Variants in PTPRF observed in about 807,000 individuals in gnomAD.
PTPRF encodes protein tyrosine phosphatase receptor type F, also known as receptor-type tyrosine-protein phosphatase F.
PTPRF carries 59 observed loss-of-function variants against 201.8 expected under a neutral mutation model. That is an observed-to-expected ratio of 0.29 (90% confidence interval 0.24 to 0.36). PTPRF has a LOEUF of 0.36. Among genes scored for constraint, PTPRF ranks in the 10% least tolerant of loss-of-function variants. The pLI is 1.00. For missense variants in PTPRF, 2,132 were observed against 2,690.5 expected, an observed-to-expected ratio of 0.79 and a Z score of 4.59; for synonymous variants, 1,088 against 1,089.7, an observed-to-expected ratio of 1.00 and a Z score of 0.03.
Position 43,569,603 on chromosome 1 carries a change from C to T in PTPRF, c.393C>T (p.Pro131=), listed in dbSNP as rs999105492. 3.7e-6 allele frequency: 6 copies of T among 1,606,970 alleles called. No homozygotes were observed. Among genetic ancestry groups the T allele is most frequent in the Non-Finnish European group, 5.1e-6 (6 of 1,175,388 alleles). ...KLSVLEEEQL[P]PGFPSIDMGP... ...GTTTGTCTGCAGAGGAACAGCTGCC[C>T]CCTGGGTTCCCTTCCATCGACATGG... The change falls in exon 6 of 34, where the codon CCC becomes CCT. Residue 131 remains proline (P), a synonymous_variant. Coordinates refer to ENST00000359947, the MANE Select transcript of PTPRF (RefSeq NM_002840.5).
In PTPRF at chr1:43,617,761, T is replaced by C. The variant is rs1658224975; in HGVS notation, c.4221T>C (p.Asn1407=). The C allele has an allele frequency of 6.2e-7, 1 of 1,613,978 alleles. No homozygotes were observed. Among genetic ancestry groups the C allele is most frequent in the Non-Finnish European group, 8.5e-7 (1 of 1,180,000 alleles). The part of the protein sequence containing the change: ...IDGVPGSDYI[N]ANYIDGYRKQ... ...GCGTCCCCGGGAGTGACTACATCAATGCCAACTACATCGATGGCTACCGCA... is the reference window on the plus strand; with the variant it reads ...GCGTCCCCGGGAGTGACTACATCAACGCCAACTACATCGATGGCTACCGCA... Residue 1407 remains asparagine, a synonymous_variant, in exon 25 of 34, where the codon AAT becomes AAC. Coordinates refer to ENST00000359947, the MANE Select transcript of PTPRF (RefSeq NM_002840.5).
intron 21 of PTPRF, among the ~76,000 whole-genome samples, chr1:43,608,390 G>T (rs1655651963): frequency 6.6e-6 from 1 of 152,122 alleles, no homozygotes. Context: ...CTAATCCTTG[G>T]GCCAGCAGGG....
rs1644393449 is a variant in PTPRF, at chr1:43,542,037, G to A, written c.-45-2994G>A. ...TGCTCAACCTCGCAACCGCAGTCAG[G>A]CTAGCAGCAGCCCTGCCCCTTGTTC... On this transcript the variant is annotated intron_variant, in intron 2 of 33. Coordinates refer to ENST00000359947, the MANE Select transcript of PTPRF (RefSeq NM_002840.5). This position sits in a 1 kb window ranked among gnomAD's most constrained non-coding sequence, Gnocchi z 5.2. Among the ~76,000 whole-genome samples, 1 of 152,184 alleles carries A rather than the reference G, an allele frequency of 6.6e-6. No individual in the cohort carries two copies. The highest frequency in any genetic ancestry group is 2.1e-4 in the South Asian group (1 of 4,822).
chr1:43,548,216 C>T (rs1212547099), intron 3 of PTPRF, among the ~76,000 whole-genome samples: 1 of 151,900 alleles, frequency 6.6e-6, no homozygotes, highest in Non-Finnish European at 1.5e-5. Flanking sequence ...AGTGAGAACC[C>T]GACAGCATGG....
At chr1:43,612,617 T>C in intron 22 of PTPRF, 1 of 472,962 alleles carries the variant, frequency 2.1e-6, no homozygotes, top group Non-Finnish European at 3.9e-6. Flanking sequence ...CCCCAGCCCC[T>C]CACCGCCCCC....
At chr1:43,543,917 T>A (rs1644499984) in intron 2 of PTPRF, among the ~76,000 whole-genome samples, 1 of 152,206 alleles carries the variant, frequency 6.6e-6, no homozygotes, top group Admixed American at 6.5e-5. Context: ...TGATCAGAGC[T>A]TGTGGGCCCT....
intron 20 of PTPRF, 63 bp downstream of exon 20, chr1:43,606,521 C>G: frequency 6.9e-7 from 1 of 1,441,636 alleles, no homozygotes; most frequent in Admixed American, 1.8e-5. Flanking sequence ...GAGACGATGC[C>G]AGTCTCAAAC....
intron 3 of PTPRF, among the ~76,000 whole-genome samples, chr1:43,551,705 T>C (rs1337352470): frequency 1.3e-5 from 2 of 152,184 alleles, no homozygotes; most frequent in Admixed American, 6.5e-5. Context: ...GGGATAATAA[T>C]ACTACCTACC....
At position 43,603,939 on chromosome 1, in the gene PTPRF, G is replaced by A. The variant is rs762333958; in HGVS notation, c.2787G>A (p.Thr929=). ...ACCTGCATGTGACAGGACTGACCAC[G>A]TCTACCACAGAACTGGCCTGGGACC... The part of the protein sequence containing the change: ...PQNLHVTGLT[T]STTELAWDPP... Residue 929 remains threonine, a synonymous_variant, in exon 16 of 34, where the codon ACG becomes ACA. Coordinates refer to ENST00000359947, the MANE Select transcript of PTPRF (RefSeq NM_002840.5). This position sits in a 1 kb window ranked among gnomAD's most constrained non-coding sequence, Gnocchi z 5.8. The A allele has an allele frequency of 5.4e-5, 87 of 1,613,966 alleles. 1 individual carries two copies. In the Admixed American group the frequency reaches 1.1e-3, roughly 21 times the overall value.
At position 43,604,925 on chromosome 1, in the gene PTPRF, G is replaced by C. The variant is rs762987517; in HGVS notation, c.3060G>C (p.Val1020=). 6.2e-7 allele frequency: 1 copy of C among 1,614,112 alleles called. No homozygotes were observed. The change falls in exon 17 of 34, where the codon GTG becomes GTC. Residue 1020 remains valine (V), a synonymous_variant. Coordinates refer to ENST00000359947, the MANE Select transcript of PTPRF (RefSeq NM_002840.5). The stretch of plus-strand genomic sequence containing the variant: ...CAGTGTTTGCCAAGAACTTCCGGGT[G>C]GCGGCTGCAATGAAGACGTCTGTGC... ...VEQVFAKNFR[V]AAAMKTSVLL... is the part of the protein sequence containing the mutation.
chr1:43,540,940 TTCCGCC>T (rs1387075107), intron 2 of PTPRF, among the ~76,000 whole-genome samples: 1 of 152,272 alleles, frequency 6.6e-6, no homozygotes, highest in African/African-American at 2.4e-5. Flanking sequence ...CAAGGCCTGT[TTCCGCC>T]TCCGCGGCCG....
At chr1:43,543,793 C>T (rs954214192) in intron 2 of PTPRF, among the ~76,000 whole-genome samples, 2 of 152,194 alleles carry the variant, frequency 1.3e-5, no homozygotes, top group South Asian at 2.1e-4. Context: ...AAAGTCCATG[C>T]GTATCACTGT....
intron 2 of PTPRF, among the ~76,000 whole-genome samples, chr1:43,540,038 A>G (rs1644265734): frequency 6.6e-6 from 1 of 152,078 alleles, no homozygotes; most frequent in African/African-American, 2.4e-5. Context: ...TCAATTGGCA[A>G]AGGATCTTGT....
At chr1:43,598,342 C>T (rs1652897235) in intron 12 of PTPRF, 1 of 463,952 alleles carries the variant, frequency 2.2e-6, no homozygotes, top group South Asian at 5.1e-5. Flanking sequence ...AAAAGATACT[C>T]AAAGTAGAAT....
Position 43,597,741 on chromosome 1 carries a change from T to TTCCCCCCCCCCCCCCCCCCCC in PTPRF, c.1814-7_1814-6insTCCCCCCCCCCCCCCCCCCCC. On this transcript the variant is annotated splice_polypyrimidine_tract_variant and splice_region_variant and intron_variant, in intron 11 of 33. Transcript: ENST00000359947. The stretch of plus-strand genomic sequence containing the variant: ...CTGCTTGCTTCCCCCCCATTTGTCT[T>TTCCCCCCCCCCCCCCCCCCCC]CCCCAGCCCCCTCCGCCCCTCCCCA... 1 of 1,517,942 alleles carries TTCCCCCCCCCCCCCCCCCCCC rather than the reference T, an allele frequency of 6.6e-7. No individual in the cohort carries two copies. The highest frequency in any genetic ancestry group is 9.0e-7 in the Non-Finnish European group (1 of 1,113,574). 94.0% of individuals were successfully genotyped at this position (1,517,942 alleles called of 1,614,324 possible). A position where few individuals can be genotyped will look rare whatever the true frequency, so the allele number is the denominator to read the frequency against.
At chr1:43,576,004 G>GTCACC in intron 6 of PTPRF, 1 of 1,303,444 alleles carries the variant, frequency 7.7e-7, no homozygotes, top group South Asian at 1.2e-5. Context: ...CGTCCAGTCT[G>GTCACC]TCACCTCCCC....
chr1:43,536,066 G>A (rs1240601096), intron 1 of PTPRF, among the ~76,000 whole-genome samples: 1 of 152,162 alleles, frequency 6.6e-6, no homozygotes, highest in African/African-American at 2.4e-5. Context: ...ACTGTGACTG[G>A]CCAGCAGTGT....
chr1:43,605,815 G>A (rs770619171), intron 19 of PTPRF, among the ~76,000 whole-genome samples, 193 bp downstream of exon 19: 55 of 152,344 alleles, frequency 3.6e-4, no homozygotes, highest in Middle Eastern at 3.4e-3. Context: ...CAGAACTCCC[G>A]GAGGGCTTAC....
Position 43,603,740 on chromosome 1 carries a change from C to T in PTPRF, c.2588C>T (p.Ala863Val), listed in dbSNP as rs144536559. The T allele has an allele frequency of 6.6e-5, 106 of 1,613,708 alleles. No homozygotes were observed. The highest frequency in any genetic ancestry group is 7.9e-5 in the Non-Finnish European group (93 of 1,180,040). The change falls in exon 16 of 34, where the codon GCG (alanine) becomes GTG (valine). Residue 863 changes from alanine to valine, a missense_variant. Physicochemically the swap from Ala to Val is moderately conservative, Grantham distance 64. Transcript: ENST00000359947. The surrounding 1 kb of genome is among the most constrained non-coding windows in gnomAD (Gnocchi z 5.8). ...CTGCAGTACTGCCGGGCCGACGAGGCGCGGCCCAACACCATAGATTTCGGC... is the reference window on the plus strand; with the variant it reads ...CTGCAGTACTGCCGGGCCGACGAGGTGCGGCCCAACACCATAGATTTCGGC... ...YRLQYCRADE[A>V]RPNTIDFGKD...
Sources: gnomAD v4.1 joint callset for allele counts (sites outside exome capture counted in the v4.1 genomes callset) on GRCh38, gnomAD v4.1.1 for gene constraint, Gnocchi (gnomAD v3.1) non-coding constraint, MANE v1.5 for transcripts, NCBI Gene and HGNC (gene_info 2026-07-23, HGNC 2026-07-21) for gene names.